SND1: variants seen among roughly 807,000 people sequenced by gnomAD.
SND1 encodes staphylococcal nuclease and tudor domain containing 1, also known as staphylococcal nuclease domain-containing protein 1.
SND1 carries 38 observed loss-of-function variants against 121.7 expected under a neutral mutation model. The observed-to-expected ratio is 0.31, with a 90% CI of 0.24 to 0.41. SND1 has a LOEUF of 0.41. Among genes scored for constraint, SND1 ranks in the 10% least tolerant of loss-of-function variants. SND1 has a pLI of 1.00. For synonymous variants in SND1, 401 were observed against 447.4 expected, an observed-to-expected ratio of 0.90 and a Z score of 1.31; for missense variants, 868 against 1,184.6, an observed-to-expected ratio of 0.73 and a Z score of 3.92.
chr7:127,922,119 T>C (rs1329449346), intron 14 of SND1, among the ~76,000 whole-genome samples: 1 of 149,458 alleles, frequency 6.7e-6, no homozygotes, highest in Non-Finnish European at 1.5e-5. Context: ...GCCTCCTGAG[T>C]AGATAAGACT....
chr7:127,691,933 G>A (rs1795925739), intron 2 of SND1, among the ~76,000 whole-genome samples: 2 of 152,070 alleles, frequency 1.3e-5, no homozygotes, highest in Non-Finnish European at 2.9e-5. Context: ...AAAGTGCTGG[G>A]ATTACAGGCC....
intron 15 of SND1, among the ~76,000 whole-genome samples, chr7:127,959,101 A>G (rs1801668559): frequency 6.6e-6 from 1 of 152,174 alleles, no homozygotes; most frequent in South Asian, 2.1e-4. Context: ...AGTGATGGTA[A>G]TAGCAGCAGC....
chr7:127,656,628 T>C (rs1038946665), intron 1 of SND1, among the ~76,000 whole-genome samples: 11 of 152,212 alleles, frequency 7.2e-5, no homozygotes, highest in African/African-American at 2.7e-4. Flanking sequence ...GAAGTGTGTG[T>C]CTTTGAAAAG....
At chr7:127,722,768 G>A (rs1216785314) in intron 10 of SND1, among the ~76,000 whole-genome samples, 3 of 152,112 alleles carry the variant, frequency 2.0e-5, no homozygotes, top group Non-Finnish European at 4.4e-5. Context: ...ACCACGTACA[G>A]GATGGGTGAT....
intron 10 of SND1, among the ~76,000 whole-genome samples, chr7:127,789,632 A>T (rs1335520394): frequency 6.6e-6 from 1 of 152,234 alleles, no homozygotes. Flanking sequence ...GCATACTGCA[A>T]TAAAAAGGCA....
At chr7:127,948,530 C>T (rs1454364209) in intron 15 of SND1, among the ~76,000 whole-genome samples, 3 of 152,200 alleles carry the variant, frequency 2.0e-5, no homozygotes. Context: ...ATCAGATAAA[C>T]ACTCTAATTG....
chr7:127,920,674 C>T (rs1422784324), intron 14 of SND1, among the ~76,000 whole-genome samples: 1 of 152,084 alleles, frequency 6.6e-6, no homozygotes, highest in Admixed American at 6.6e-5. Context: ...CATCACCTGG[C>T]ACCTTTGGCA....
At chr7:127,727,293 T>G (rs773987675) in intron 10 of SND1, among the ~76,000 whole-genome samples, 1 of 152,192 alleles carries the variant, frequency 6.6e-6, no homozygotes, top group Non-Finnish European at 1.5e-5. Context: ...GCATTATTAG[T>G]GATGCCTTGG....
intron 7 of SND1, among the ~76,000 whole-genome samples, chr7:127,703,661 G>A (rs754778340): frequency 4.6e-5 from 7 of 152,112 alleles, no homozygotes; most frequent in Non-Finnish European, 7.4e-5. Flanking sequence ...GCAGTGAGCC[G>A]AGATTGCACC....
intron 10 of SND1, among the ~76,000 whole-genome samples, chr7:127,764,632 G>A (rs1307174550): frequency 3.3e-5 from 5 of 152,192 alleles, no homozygotes; most frequent in African/African-American, 4.8e-5. Context: ...TTGAGTTTTC[G>A]TTGAGCTGAT....
In SND1 at chr7:127,929,171, C is replaced by T. The variant is rs897884512; in HGVS notation, c.1528-17C>T. On this transcript the variant is annotated splice_polypyrimidine_tract_variant and intron_variant, in intron 14 of 23. Coordinates refer to ENST00000354725, the MANE Select transcript of SND1 (RefSeq NM_014390.4). Reference sequence around the variant, plus strand: ...TTTATTACTTTCCAGTTACTCTTTTCCTCTTTTCTCCATCAGGATACCCAA... The same window carrying T: ...TTTATTACTTTCCAGTTACTCTTTTTCTCTTTTCTCCATCAGGATACCCAA... The T allele has an allele frequency of 6.2e-7, 1 of 1,613,202 alleles. No individual in the cohort carries two copies.
intron 10 of SND1, among the ~76,000 whole-genome samples, chr7:127,750,896 A>G (rs1468447756): frequency 6.6e-6 from 1 of 152,238 alleles, no homozygotes; most frequent in Non-Finnish European, 1.5e-5. Flanking sequence ...AGTTTATACT[A>G]GTCTGTTTGG....
At chr7:127,835,870 G>A (rs571054437) in intron 11 of SND1, among the ~76,000 whole-genome samples, 6 of 152,000 alleles carry the variant, frequency 3.9e-5, no homozygotes, top group East Asian at 1.9e-4. Flanking sequence ...ATTTACTTCC[G>A]TATAGAAACT....
chr7:127,996,774 G>C (rs1201978358), intron 16 of SND1, among the ~76,000 whole-genome samples: 1 of 152,138 alleles, frequency 6.6e-6, no homozygotes, highest in African/African-American at 2.4e-5. Flanking sequence ...GATTATCTCA[G>C]CCACTGCCCA....
intron 10 of SND1, among the ~76,000 whole-genome samples, chr7:127,764,548 A>C (rs1797375900): frequency 6.6e-6 from 1 of 152,232 alleles, no homozygotes; most frequent in Non-Finnish European, 1.5e-5. Context: ...TAACAAAACC[A>C]AACCAAATCA....
chr7:127,883,945 G>A (rs778754489), intron 12 of SND1, among the ~76,000 whole-genome samples: 8 of 152,088 alleles, frequency 5.3e-5, no homozygotes, highest in Non-Finnish European at 8.8e-5. Context: ...CTTCTCCACT[G>A]TAAAGGTACT....
At chr7:127,726,257 G>A (rs767043385) in intron 10 of SND1, among the ~76,000 whole-genome samples, 3 of 152,174 alleles carry the variant, frequency 2.0e-5, no homozygotes, top group Non-Finnish European at 4.4e-5. Context: ...AGTGTTATGC[G>A]AGAGTTAAAA....
intron 16 of SND1, among the ~76,000 whole-genome samples, chr7:128,049,720 C>A (rs1276927743): frequency 6.6e-6 from 1 of 152,136 alleles, no homozygotes; most frequent in Non-Finnish European, 1.5e-5. Flanking sequence ...AATCCTTTAA[C>A]CTTCAGGGTC....
intron 16 of SND1, among the ~76,000 whole-genome samples, chr7:128,000,773 A>G (rs914072394): frequency 1.1e-4 from 16 of 152,302 alleles, no homozygotes; most frequent in Admixed American, 2.6e-4. Flanking sequence ...AATATCCCCT[A>G]TGGAATTACA....
Sources: gnomAD v4.1 joint callset for allele counts (sites outside exome capture counted in the v4.1 genomes callset) on GRCh38, gnomAD v4.1.1 for gene constraint, MANE v1.5 for transcripts, NCBI Gene and HGNC (gene_info 2026-07-23, HGNC 2026-07-21) for gene names.